CARMIL3: variants seen among roughly 807,000 people sequenced by gnomAD.
CARMIL3 encodes capping protein regulator and myosin 1 linker 3.
Under a neutral mutation model 180.8 loss-of-function variants are expected in CARMIL3, and 88 were observed. That is an observed-to-expected ratio of 0.49 (90% CI 0.41 to 0.58). CARMIL3 has a LOEUF of 0.58. Ranked by LOEUF, CARMIL3 falls within the 20% of genes least tolerant of loss-of-function variation. The probability of loss-of-function intolerance (pLI) is 0.00; values close to 1 mark genes in which losing one functional copy is unlikely to be tolerated. For missense variants in CARMIL3, 1,548 were observed against 1,787.0 expected, an observed-to-expected ratio of 0.87 and a Z score of 2.41; for synonymous variants, 696 against 714.5, an observed-to-expected ratio of 0.97 and a Z score of 0.41.
At chr14:24,065,371 C>T (rs902169333) in intron 33 of CARMIL3, 98 bp downstream of exon 33, 10 of 1,233,776 alleles carry the variant, frequency 8.1e-6, no homozygotes, top group Non-Finnish European at 1.1e-5. Context: ...AATGCTAGGA[C>T]CCAGGGTTCT....
chr14:24,064,315 T>C lies in CARMIL3; in HGVS notation c.3049T>C (p.Phe1017Leu). ...TRLDEGLEDF[F>L]SRRVLEESSS... ...CCTGGATGAAGGGCTGGAGGACTTCTTCAGCCGAAGGGTCCTGGAGGAAAG... is the reference window on the plus strand; with the variant it reads ...CCTGGATGAAGGGCTGGAGGACTTCCTCAGCCGAAGGGTCCTGGAGGAAAG... The change falls in exon 32 of 40, where the codon TTC (phenylalanine) becomes CTC (leucine). Residue 1017 changes from phenylalanine to leucine, a missense_variant. By Grantham distance (22) the Phe-to-Leu change is conservative (BLOSUM62 0). Transcript: ENST00000342740. 1 of 1,612,510 alleles carries C rather than the reference T, an allele frequency of 6.2e-7. No homozygotes were observed. The highest frequency in any genetic ancestry group is 1.1e-5 in the South Asian group (1 of 90,650).
At position 24,057,031 on chromosome 14, in the gene CARMIL3, C is replaced by G; in HGVS notation, c.1062+7C>G. 1 of 1,611,678 alleles carries G rather than the reference C, an allele frequency of 6.2e-7. No homozygotes were observed. The highest frequency in any genetic ancestry group is 8.5e-7 in the Non-Finnish European group (1 of 1,178,518). On this transcript the variant is annotated splice_region_variant and intron_variant, in intron 13 of 39. Transcript: ENST00000342740. ...CGCCACGGATGAGGCCAATGTGAGT[C>G]CTCAGAACAGCCTCAGCCCCCTGCA...
intron 37 of CARMIL3, 25 bp downstream of exon 37, chr14:24,068,727 G>A (rs2035819717): frequency 1.2e-6 from 2 of 1,613,452 alleles, no homozygotes; most frequent in Non-Finnish European, 8.5e-7. Context: ...GATGGGTGGG[G>A]GAGGCACTTT....
At chr14:24,068,339 G>T (rs1488278056) in intron 36 of CARMIL3, among the ~76,000 whole-genome samples, 3 of 151,084 alleles carry the variant, frequency 2.0e-5, no homozygotes, top group Admixed American at 6.6e-5. Context: ...GGAGGTTGCA[G>T]TGAGCCAAGA....
chr14:24,060,915 T>C lies in CARMIL3; in HGVS notation c.2191-12T>C, dbSNP rs772138359. Reference sequence around the variant, plus strand: ...GTTCTGGCCTGCTAATCATAACCCCTTCCTTCTCCAGCTGTTTCCCAGCCT... The same window carrying C: ...GTTCTGGCCTGCTAATCATAACCCCCTCCTTCTCCAGCTGTTTCCCAGCCT... On this transcript the variant is annotated splice_polypyrimidine_tract_variant and intron_variant, in intron 25 of 39. Transcript: ENST00000342740. 6.4e-7 allele frequency: 1 copy of C among 1,550,990 alleles called. No homozygotes were observed. Among genetic ancestry groups the C allele is most frequent in the South Asian group, 1.2e-5 (1 of 84,072 alleles).
Position 24,069,510 on chromosome 14 carries a change from G to C in CARMIL3, c.*106G>C. On this transcript the variant is annotated 3_prime_UTR_variant, in exon 40 of 40. Transcript: ENST00000342740. ...CCCCCTGCCAGCCCCTGTCCTACAG[G>C]GGCAAGACGGCAGGACCAGGCATGG... 1 of 1,467,648 alleles carries C rather than the reference G, an allele frequency of 6.8e-7. No homozygotes were observed. Among genetic ancestry groups the C allele is most frequent in the South Asian group, 1.2e-5 (1 of 84,384 alleles). The allele number at this position is 1,467,648 out of a possible 1,614,324, so 90.9% of individuals were successfully genotyped here.
At chr14:24,064,144 A>G (rs1225877930) in intron 31 of CARMIL3, 102 bp from the exon 32 acceptor site, 6 of 749,344 alleles carry the variant, frequency 8.0e-6, no homozygotes, top group Non-Finnish European at 1.3e-5. Context: ...TGAAGTCTAC[A>G]TTTCCATAAA....
chr14:24,058,974 A>G lies in CARMIL3; in HGVS notation c.1559A>G (p.Asn520Ser). ...LKHLFLGKNFNVKAKTLEEIL... is the reference protein window; with the variant it reads ...LKHLFLGKNFSVKAKTLEEIL... The stretch of plus-strand genomic sequence containing the variant: ...CACCTGTTTTTGGGCAAGAACTTCA[A>G]TGTCAAGGCCAAGTGAGGCCCCCTT... Residue 520 changes from asparagine (N) to serine (S), a missense_variant, in exon 19 of 40, where the codon AAT becomes AGT. Coordinates refer to ENST00000342740, the MANE Select transcript of CARMIL3 (RefSeq NM_138360.4). This position sits in a 1 kb window ranked among gnomAD's most constrained non-coding sequence, Gnocchi z 6.4. The G allele has an allele frequency of 1.9e-6, 3 of 1,614,118 alleles. No individual in the cohort carries two copies. The highest frequency in any genetic ancestry group is 2.5e-6 in the Non-Finnish European group (3 of 1,180,024).
chr14:24,062,870 T>A (rs2035746572), intron 29 of CARMIL3, 24 bp downstream of exon 29: 2 of 1,588,656 alleles, frequency 1.3e-6, no homozygotes, highest in Non-Finnish European at 1.7e-6. Context: ...TCCCTGCTCC[T>A]CCTTAATAAC....
chr14:24,058,126 A>T lies in CARMIL3; in HGVS notation c.1323-29A>T. ...AACCACGGGGAGCGGGAAGAGGTAA[A>T]GGAGGGCCTGCTGACCTCCCTCCCA... On this transcript the variant is annotated intron_variant, in intron 16 of 39. Coordinates refer to ENST00000342740, the MANE Select transcript of CARMIL3 (RefSeq NM_138360.4). The surrounding 1 kb of genome is among the most constrained non-coding windows in gnomAD (Gnocchi z 6.4). 1 of 1,613,750 alleles carries T rather than the reference A, an allele frequency of 6.2e-7. No individual in the cohort carries two copies.
rs770794893 is a variant in CARMIL3, at chr14:24,061,584, A to C, written c.2392A>C (p.Asn798His). Reference sequence around the variant, plus strand: ...CGAGGGACACAACAAGATGCTGAGCAATGTGGCGGAGCGTGTCACTGTGCC... The same window carrying C: ...CGAGGGACACAACAAGATGCTGAGCCATGTGGCGGAGCGTGTCACTGTGCC... ...VAEGHNKMLS[N>H]VAERVTVPRN... Residue 798 changes from asparagine (N) to histidine (H), a missense_variant, in exon 27 of 40, where the codon AAT becomes CAT. Transcript: ENST00000342740. The surrounding 1 kb of genome is among the most constrained non-coding windows in gnomAD (Gnocchi z 4.1). 1.9e-6 allele frequency: 3 copies of C among 1,613,884 alleles called. No individual in the cohort carries two copies. Among genetic ancestry groups the C allele is most frequent in the Non-Finnish European group, 2.5e-6 (3 of 1,180,000 alleles).
Position 24,065,052 on chromosome 14 carries a change from C to G in CARMIL3, c.3175C>G (p.Arg1059Gly). ...GAGGCGCCGGGGCCTGTTTCACTTT[C>G]GCCGGCCCCGGAGCTTCAAGGGGGA... ...KKRRRGLFHF[R>G]RPRSFKGDRG... The change falls in exon 33 of 40, where the codon CGC (arginine) becomes GGC (glycine). Residue 1059 changes from arginine to glycine, a missense_variant. Physicochemically the swap from Arg to Gly is moderately radical, Grantham distance 125. Transcript: ENST00000342740. The G allele has an allele frequency of 6.2e-7, 1 of 1,606,318 alleles. No homozygotes were observed. The highest frequency in any genetic ancestry group is 1.1e-5 in the South Asian group (1 of 90,400).
intron 36 of CARMIL3, among the ~76,000 whole-genome samples, chr14:24,067,365 G>A (rs912321205): frequency 2.0e-5 from 3 of 152,222 alleles, no homozygotes; most frequent in African/African-American, 7.2e-5. Flanking sequence ...CAAAGGCCTG[G>A]ACCATGACCC....
In CARMIL3 at chr14:24,063,160, T is replaced by C; in HGVS notation, c.2747T>C (p.Ile916Thr). Residue 916 changes from isoleucine (I) to threonine (T), a missense_variant, in exon 30 of 40, where the codon ATT (isoleucine) becomes ACT (threonine). Transcript: ENST00000342740. ...AIKKQKRCRKIRPVSAFISGS... is the reference protein window; with the variant it reads ...AIKKQKRCRKTRPVSAFISGS... The stretch of plus-strand genomic sequence containing the variant: ...AAAAAGCAGAAACGCTGCCGCAAGA[T>C]TCGGCCGGTGTCTGCCTTCATCAGT... 3 of 1,613,428 alleles carry C rather than the reference T, an allele frequency of 1.9e-6. No individual in the cohort carries two copies. The highest frequency in any genetic ancestry group is 2.5e-6 in the Non-Finnish European group (3 of 1,179,396).
chr14:24,068,465 G>A (rs776414097), intron 36 of CARMIL3, 119 bp from the exon 37 acceptor site: 29 of 745,510 alleles, frequency 3.9e-5, no homozygotes, highest in Non-Finnish European at 5.6e-5. Flanking sequence ...AGACATAGGA[G>A]CAAGTGGGCT....
chr14:24,054,059 G>A lies in CARMIL3; in HGVS notation c.136-29G>A, dbSNP rs114246627. 2.9e-3 allele frequency: 4,641 copies of A among 1,612,164 alleles called. 107 individuals are homozygous for A. The African/African-American group carries it at 0.052, about 18-fold the overall frequency. ...GCCACCAAGGCCCAGCAGCTGCCAT[G>A]AGCTGCCGATTTTTTCCTCTCTCTG... is the stretch of plus-strand genomic sequence containing the variant. On this transcript the variant is annotated intron_variant, in intron 2 of 39. Coordinates refer to ENST00000342740, the MANE Select transcript of CARMIL3 (RefSeq NM_138360.4). The surrounding 1 kb of genome is among the most constrained non-coding windows in gnomAD (Gnocchi z 5.1).
rs2035722280 is a variant in CARMIL3 at position 24,060,562 on chromosome 14, A to G, written c.2062-66A>G. ...GGTGCCAGCACCAGTAGCACTGTCT[A>G]AGGGGTCCTACCTGCGAAGATGTGG... On this transcript the variant is annotated intron_variant, in intron 24 of 39. Transcript: ENST00000342740. 4.4e-6 allele frequency: 7 copies of G among 1,589,586 alleles called. No homozygotes were observed. The South Asian group carries it at 8.0e-5, about 18-fold the overall frequency.
intron 36 of CARMIL3, among the ~76,000 whole-genome samples, chr14:24,067,705 T>C (rs1390109465): frequency 6.6e-6 from 1 of 152,284 alleles, no homozygotes; most frequent in Non-Finnish European, 1.5e-5. Context: ...AAAGTAGGGC[T>C]CCATCTTTCA....
rs759560039 is a variant in CARMIL3 at position 24,054,171 on chromosome 14, G to A, written c.186+33G>A. 6.2e-7 allele frequency: 1 copy of A among 1,614,124 alleles called. No homozygotes were observed. Among genetic ancestry groups the A allele is most frequent in the South Asian group, 1.1e-5 (1 of 91,082 alleles). On this transcript the variant is annotated intron_variant, in intron 3 of 39. Transcript: ENST00000342740. The surrounding 1 kb of genome is among the most constrained non-coding windows in gnomAD (Gnocchi z 5.1). ...GGGCTGAGGAGCAGGAGAGCACCTGGCATGCTCCCTACCTCCCAAGCCTGG... is the reference window on the plus strand; with the variant it reads ...GGGCTGAGGAGCAGGAGAGCACCTGACATGCTCCCTACCTCCCAAGCCTGG...
Sources: gnomAD v4.1 joint callset for allele counts (sites outside exome capture counted in the v4.1 genomes callset) on GRCh38, gnomAD v4.1.1 for gene constraint, Gnocchi (gnomAD v3.1) non-coding constraint, MANE v1.5 for transcripts, NCBI Gene and HGNC (gene_info 2026-07-23, HGNC 2026-07-21) for gene names.